NUP98: variants seen among roughly 807,000 people sequenced by gnomAD.
NUP98 encodes the protein nucleoporin 98 and 96 precursor.
Under a neutral mutation model 191.9 loss-of-function variants are expected in NUP98, and 26 were observed. The observed-to-expected ratio is 0.14, with a 90% confidence interval of 0.10 to 0.19. NUP98 has a LOEUF of 0.19. Ranked by LOEUF, NUP98 falls within the 10% of genes least tolerant of loss-of-function variation. The pLI, the probability that NUP98 is intolerant of heterozygous loss-of-function variation, is 1.00. For missense variants in NUP98, 1,941 were observed against 2,178.8 expected (o/e 0.89, Z 2.17); for synonymous variants, 808 against 778.4 (o/e 1.04, Z -0.63).
At position 3,731,452 on chromosome 11, in the gene NUP98, G is replaced by A; in HGVS notation, c.1669C>T (p.His557Tyr). 6.2e-7 allele frequency: 1 copy of A among 1,608,014 alleles called. No individual in the cohort carries two copies. The highest frequency in any genetic ancestry group is 8.5e-7 in the Non-Finnish European group (1 of 1,176,932). Reference sequence around the variant, plus strand: ...TCGTCATCCAGCCCATCAAAGAGATGTGACTTGGCTGTGCCTGTTGTTTGT... The same window carrying A: ...TCGTCATCCAGCCCATCAAAGAGATATGACTTGGCTGTGCCTGTTGTTTGT... Reference protein sequence around the residue: ...ALQTTGTAKSHLFDGLDDDEP... With the variant: ...ALQTTGTAKSYLFDGLDDDEP... The change falls in exon 14 of 33, where the codon CAT becomes TAT. Residue 557 changes from histidine to tyrosine, a missense_variant. This residue lies in a region of NUP98 where 453 missense variants were observed against 438.2 expected (regional missense o/e 1.03). Coordinates refer to ENST00000324932, the MANE Select transcript of NUP98 (RefSeq NM_016320.5).
intron 1 of NUP98, among the ~76,000 whole-genome samples, chr11:3,793,931 T>C (rs1182316369): frequency 6.6e-6 from 1 of 152,054 alleles, no homozygotes; most frequent in Non-Finnish European, 1.5e-5. Context: ...ATCACATCAT[T>C]GCACTCCAGC....
chr11:3,774,024 A>G (rs1013864141), intron 5 of NUP98, among the ~76,000 whole-genome samples: 1 of 152,212 alleles, frequency 6.6e-6, no homozygotes, highest in Admixed American at 6.5e-5. Flanking sequence ...TATTATGCAT[A>G]AAGAAAGCTT....
At chr11:3,693,565 G>C (rs2078390677) in intron 26 of NUP98, among the ~76,000 whole-genome samples, 190 bp from the exon 27 acceptor site, 1 of 152,198 alleles carries the variant, frequency 6.6e-6, no homozygotes, top group Admixed American at 6.5e-5. Flanking sequence ...TTGACCAACT[G>C]ATTGATCGAT....
At position 3,723,221 on chromosome 11, in the gene NUP98, A is replaced by C; in HGVS notation, c.2082T>G (p.His694Gln). 2 of 1,614,176 alleles carry C rather than the reference A, an allele frequency of 1.2e-6. No homozygotes were observed. The highest frequency in any genetic ancestry group is 1.7e-6 in the Non-Finnish European group (2 of 1,180,024). The change falls in exon 16 of 33, where the codon CAT becomes CAG. Residue 694 changes from histidine to glutamine, a missense_variant. Transcript: ENST00000324932. ...CTCGGTCATCCTGAAGTGACTCATCATGAAAAGACGTTTCTTCACTGCTTC... is the reference window on the plus strand; with the variant it reads ...CTCGGTCATCCTGAAGTGACTCATCCTGAAAAGACGTTTCTTCACTGCTTC... ...LEGSSEETSF[H>Q]DESLQDDREE...
At chr11:3,702,313 A>ACTCC (rs2078718594) in intron 23 of NUP98, 150 bp downstream of exon 23, 18 of 349,246 alleles carry the variant, frequency 5.2e-5, no homozygotes, top group Admixed American at 4.2e-4. Context: ...ACACACACAC[A>ACTCC]CTCTCTCTCT....
intron 10 of NUP98, among the ~76,000 whole-genome samples, chr11:3,758,594 C>T (rs773882138): frequency 1.3e-5 from 2 of 151,974 alleles, no homozygotes; most frequent in Non-Finnish European, 2.9e-5. Context: ...AAACCAGCCT[C>T]GCCAACACGG....
At chr11:3,758,017 T>C (rs2081036912) in intron 10 of NUP98, among the ~76,000 whole-genome samples, 1 of 150,384 alleles carries the variant, frequency 6.6e-6, no homozygotes, top group African/African-American at 2.5e-5. Context: ...GGAAGGGAGA[T>C]GATGATTAAG....
chr11:3,686,545 G>C (rs1366384360), intron 28 of NUP98, among the ~76,000 whole-genome samples: 1 of 152,060 alleles, frequency 6.6e-6, no homozygotes, highest in Admixed American at 6.6e-5. Context: ...TTGAGACAGA[G>C]TCTCGCTCTG....
At chr11:3,777,555 A>G (rs2081779105) in intron 4 of NUP98, among the ~76,000 whole-genome samples, 2 of 139,132 alleles carry the variant, frequency 1.4e-5, no homozygotes, top group South Asian at 4.9e-4. Context: ...GGGGAGGCGG[A>G]GGTTGCAGTG....
At chr11:3,771,023 T>G (rs954372944) in intron 7 of NUP98, among the ~76,000 whole-genome samples, 1 of 152,108 alleles carries the variant, frequency 6.6e-6, no homozygotes, top group Non-Finnish European at 1.5e-5. Flanking sequence ...TCACCACGCC[T>G]GGCTAATTTT....
chr11:3,690,105 C>G (rs2078263416), intron 28 of NUP98, among the ~76,000 whole-genome samples: 1 of 151,702 alleles, frequency 6.6e-6, no homozygotes, highest in Admixed American at 6.6e-5. Context: ...GTGCCTACCA[C>G]AACACCCAGC....
At chr11:3,705,877 C>T (rs1197220532) in intron 21 of NUP98, among the ~76,000 whole-genome samples, 1 of 151,528 alleles carries the variant, frequency 6.6e-6, no homozygotes, top group East Asian at 1.9e-4. Flanking sequence ...GGGCCGGGCT[C>T]AGTGGCTCAT....
intron 11 of NUP98, among the ~76,000 whole-genome samples, chr11:3,752,787 G>C (rs930751743): frequency 4.6e-5 from 7 of 152,114 alleles, no homozygotes; most frequent in African/African-American, 1.4e-4. Flanking sequence ...TTTAAAAACA[G>C]CTGGGCAGGT....
At chr11:3,764,423 T>A (rs985836460) in intron 8 of NUP98, among the ~76,000 whole-genome samples, 21 of 152,230 alleles carry the variant, frequency 1.4e-4, no homozygotes, top group African/African-American at 4.8e-4. Context: ...TGTACAAGTC[T>A]ATGTCTTATT....
At chr11:3,699,693 T>G (rs1168242436) in intron 24 of NUP98, among the ~76,000 whole-genome samples, 2 of 152,222 alleles carry the variant, frequency 1.3e-5, no homozygotes, top group African/African-American at 2.4e-5. Flanking sequence ...ACAAAAGTAC[T>G]GTTTATCATT....
Position 3,683,340 on chromosome 11 carries a change from C to T in NUP98, c.4778G>A (p.Arg1593His), listed in dbSNP as rs200925834. The T allele has an allele frequency of 4.3e-5, 69 of 1,614,132 alleles. 1 individual carries two copies. In the South Asian group the frequency reaches 5.7e-4, roughly 13 times the overall value. The part of the protein sequence containing the change: ...AKETFLTQKL[R>H]VPAKWIHEAK... Reference sequence around the variant, plus strand: ...CTCGTGGATCCATTTGGCAGGTACACGGAGCTTCTGGGTAAGGAAAGTCTC... The same window carrying T: ...CTCGTGGATCCATTTGGCAGGTACATGGAGCTTCTGGGTAAGGAAAGTCTC... Residue 1593 changes from arginine (R) to histidine (H), a missense_variant, in exon 30 of 33, where the codon CGT becomes CAT. By Grantham distance (29) the Arg-to-His change is conservative. Around this residue, in one of 6 missense-constraint regions of NUP98, gnomAD observed 1,030 missense variants for 1,115.8 expected, o/e 0.92. Transcript: ENST00000324932.
intron 20 of NUP98, among the ~76,000 whole-genome samples, chr11:3,707,021 CA>C (rs1358028618): frequency 6.6e-6 from 1 of 152,066 alleles, no homozygotes; most frequent in Non-Finnish European, 1.5e-5. Flanking sequence ...AAAAAAAGAA[CA>C]AAAGGTACAA....
chr11:3,781,544 A>C (rs1374724242), intron 2 of NUP98: 1 of 151,074 alleles, frequency 6.6e-6, no homozygotes, highest in African/African-American at 2.4e-5. Context: ...TTTAACAAAA[A>C]GTTTAAATGT....
At chr11:3,723,882 G>A (rs2079506763) in intron 15 of NUP98, among the ~76,000 whole-genome samples, 1 of 144,870 alleles carries the variant, frequency 6.9e-6, no homozygotes. Flanking sequence ...CTGAGAACTT[G>A]TGCCAGTATA....
Sources: gnomAD v4.1 joint callset for allele counts (sites outside exome capture counted in the v4.1 genomes callset) on GRCh38, gnomAD v4.1.1 for gene constraint, gnomAD v4.1.1 regional missense constraint, MANE v1.5 for transcripts, NCBI Gene and HGNC (gene_info 2026-07-23, HGNC 2026-07-21) for gene names.